MEIOB: variants seen among roughly 807,000 people sequenced by gnomAD.
The protein encoded by MEIOB is meiosis-specific with OB domain-containing protein.
In MEIOB, 50 loss-of-function variants were observed where a neutral mutation model predicts 53.1. That is an observed-to-expected ratio of 0.94 (90% confidence interval 0.75 to 1.19). MEIOB has a LOEUF of 1.19. Ranked by LOEUF, MEIOB falls within the 50% of genes most tolerant of loss-of-function variation. The pLI is 0.00. For missense variants in MEIOB, 551 were observed against 550.8 expected (o/e 1.00, Z 0.00); for synonymous variants, 192 against 182.5 (o/e 1.05, Z -0.42).
At position 1,851,104 on chromosome 16, in the gene MEIOB, G is replaced by A. The variant is rs1230524673; in HGVS notation, c.778+1935C>T. On this transcript the variant is annotated intron_variant, in intron 9 of 13. Transcript: ENST00000325962. ...ACCTCTCAGAGCCGAGTCAGATGCT[G>A]TCACCGCTCTGCTCCAAACCCCAGC... Among the ~76,000 whole-genome samples, 9 of 152,054 alleles carry A rather than the reference G, an allele frequency of 5.9e-5. No homozygotes were observed. In the East Asian group the frequency reaches 1.7e-3, roughly 29 times the overall value.
At chr16:1,858,303 T>C (rs1046810696) in intron 5 of MEIOB, among the ~76,000 whole-genome samples, 1 of 152,182 alleles carries the variant, frequency 6.6e-6, no homozygotes, top group East Asian at 1.9e-4. Flanking sequence ...TCTGCCTTAG[T>C]GCCTCAGGTC....
intron 13 of MEIOB, among the ~76,000 whole-genome samples, chr16:1,834,730 C>T (rs1017564619): frequency 4.6e-5 from 7 of 151,620 alleles, no homozygotes; most frequent in African/African-American, 1.7e-4. Flanking sequence ...GTCAGGAGTT[C>T]GAGACCAGCC....
chr16:1,844,754 T>C (rs113298364), intron 10 of MEIOB, 108 bp downstream of exon 10: 6 of 596,696 alleles, frequency 1.0e-5, no homozygotes, highest in African/African-American at 5.8e-5. Context: ...AGTAGAAATA[T>C]AGTAGTTACA....
chr16:1,839,359 C>G lies in MEIOB; in HGVS notation c.1114G>C (p.Val372Leu). ...CNKNSLDFKSVFLSFHVLIDL... is the reference protein window; with the variant it reads ...CNKNSLDFKSLFLSFHVLIDL... Reference sequence around the variant, plus strand: ...ATCAGCACATGGAAACTGAGAAAGACAGATTTAAAGTCCAAGGAGTTTTTG... The same window carrying G: ...ATCAGCACATGGAAACTGAGAAAGAGAGATTTAAAGTCCAAGGAGTTTTTG... Residue 372 changes from valine to leucine, a missense_variant, in exon 12 of 14, where the codon GTC (valine) becomes CTC (leucine). Val to Leu is a conservative substitution (Grantham distance 32). Coordinates refer to ENST00000325962, the MANE Select transcript of MEIOB (RefSeq NM_001163560.3). 6.2e-7 allele frequency: 1 copy of G among 1,614,172 alleles called. No individual in the cohort carries two copies. Among genetic ancestry groups the G allele is most frequent in the African/African-American group, 1.3e-5 (1 of 75,044 alleles).
At chr16:1,842,746 C>T (rs1898945752) in intron 10 of MEIOB, among the ~76,000 whole-genome samples, 1 of 150,948 alleles carries the variant, frequency 6.6e-6, no homozygotes. Flanking sequence ...TCACTGCAAG[C>T]TCCGCCTCCC....
chr16:1,871,367 T>C (rs9927869), intron 1 of MEIOB, among the ~76,000 whole-genome samples: 45,343 of 62,776 alleles, frequency 0.72, 17,795 homozygotes, highest in Middle Eastern at 0.82. Flanking sequence ...CTACAGGCAC[T>C]CGCCGCCACG....
chr16:1,854,222 T>G, intron 6 of MEIOB, 22 bp from the exon 7 acceptor site: 1 of 1,386,172 alleles, frequency 7.2e-7, no homozygotes, highest in Non-Finnish European at 1.0e-6. Context: ...AAATAAATCA[T>G]TACTCTTCAC....
intron 12 of MEIOB, chr16:1,838,093 G>A (rs989026693): frequency 8.0e-6 from 6 of 748,566 alleles, no homozygotes; most frequent in Middle Eastern, 2.4e-4. Flanking sequence ...AACTCCCGGG[G>A]TCAAGCAATC....
intron 5 of MEIOB, among the ~76,000 whole-genome samples, chr16:1,858,961 G>T (rs1352158616): frequency 1.3e-5 from 2 of 152,124 alleles, no homozygotes; most frequent in Non-Finnish European, 2.9e-5. Flanking sequence ...CCTATGCTAG[G>T]CACAAGGGAT....
At chr16:1,864,579 C>A (rs981345977) in intron 3 of MEIOB, among the ~76,000 whole-genome samples, 1 of 151,298 alleles carries the variant, frequency 6.6e-6, no homozygotes, top group African/African-American at 2.4e-5. Flanking sequence ...ACCTGCGCCT[C>A]CCAGGTTCAA....
At chr16:1,857,184 G>A (rs765874944) in intron 6 of MEIOB, among the ~76,000 whole-genome samples, 3 of 152,154 alleles carry the variant, frequency 2.0e-5, no homozygotes, top group South Asian at 2.1e-4. Context: ...TCAGACAGAC[G>A]CTGATGCACC....
At chr16:1,851,192 G>A (rs1899160954) in intron 9 of MEIOB, among the ~76,000 whole-genome samples, 1 of 152,100 alleles carries the variant, frequency 6.6e-6, no homozygotes, top group Non-Finnish European at 1.5e-5. Flanking sequence ...TTCTTCCTGG[G>A]TGCCCCATCT....
intron 6 of MEIOB, among the ~76,000 whole-genome samples, chr16:1,855,125 A>G (rs1207553647): frequency 6.6e-6 from 1 of 152,222 alleles, no homozygotes; most frequent in East Asian, 1.9e-4. Context: ...AGGAAGAAAC[A>G]ACAGGTTAAA....
intron 10 of MEIOB, among the ~76,000 whole-genome samples, chr16:1,844,237 C>T (rs1237912063): frequency 6.6e-6 from 1 of 151,476 alleles, no homozygotes; most frequent in Non-Finnish European, 1.5e-5. Context: ...ATTCTCCTGC[C>T]TCAGCCTCCT....
rs1028245644 is a variant in MEIOB at position 1,860,276 on chromosome 16, G to A, written c.332+127C>T. 1.4e-5 allele frequency: 7 copies of A among 517,906 alleles called. No homozygotes were observed. The African/African-American group carries it at 1.4e-4, about 10-fold the overall frequency. The allele number at this position is 517,906 out of a possible 1,614,324, so 32.1% of individuals were successfully genotyped here. A position where few individuals can be genotyped will look rare whatever the true frequency, so the allele number is the denominator to read the frequency against. On this transcript the variant is annotated intron_variant, in intron 5 of 13. Coordinates refer to ENST00000325962, the MANE Select transcript of MEIOB (RefSeq NM_001163560.3). Reference sequence around the variant, plus strand: ...ATAATCAAAGATGAATTTTGTAAGAGAAAATTAAACTCCTCATTTTTATTG... The same window carrying A: ...ATAATCAAAGATGAATTTTGTAAGAAAAAATTAAACTCCTCATTTTTATTG...
intron 1 of MEIOB, among the ~76,000 whole-genome samples, chr16:1,869,177 T>G (rs574592171): frequency 4.6e-4 from 70 of 152,304 alleles, no homozygotes; most frequent in African/African-American, 1.7e-3. Flanking sequence ...CAGGGTGGAG[T>G]GCAGTGGCAC....
chr16:1,855,065 G>A (rs1202718054), intron 6 of MEIOB, among the ~76,000 whole-genome samples: 2 of 152,146 alleles, frequency 1.3e-5, no homozygotes, highest in Admixed American at 1.3e-4. Flanking sequence ...GGAAGGTGGA[G>A]AACACTGTAT....
At chr16:1,867,156 A>C (rs1428664280) in intron 2 of MEIOB, among the ~76,000 whole-genome samples, 1 of 152,198 alleles carries the variant, frequency 6.6e-6, no homozygotes, top group Non-Finnish European at 1.5e-5. Context: ...TTGCAAAAGC[A>C]AAATATAAAT....
At chr16:1,854,240 T>C (rs1191377452) in intron 6 of MEIOB, 40 bp from the exon 7 acceptor site, 2 of 1,130,410 alleles carry the variant, frequency 1.8e-6, no homozygotes, top group East Asian at 5.2e-5. Context: ...CACCTATATG[T>C]AGAAGTTCTT....
Sources: allele counts gnomAD v4.1 joint callset (sites outside exome capture counted in the v4.1 genomes callset), GRCh38; gene constraint gnomAD v4.1.1; transcripts MANE v1.5; gene names NCBI Gene and HGNC (gene_info 2026-07-23, HGNC 2026-07-21).